Variants in SLC24A4 observed in about 807,000 individuals in gnomAD.
SLC24A4 encodes the protein sodium/potassium/calcium exchanger 4.
Under a neutral mutation model 79.0 loss-of-function variants are expected in SLC24A4, and 53 were observed. The observed-to-expected ratio is 0.67, with a 90% CI of 0.54 to 0.84. The LOEUF (loss-of-function observed/expected upper bound fraction) is 0.84, where lower values mean the gene tolerates loss of function less well. SLC24A4 is among the 40% of genes least tolerant of loss of function. The pLI, the probability that SLC24A4 is intolerant of heterozygous loss-of-function variation, is 0.00. For missense variants in SLC24A4, 731 were observed against 822.0 expected (o/e 0.89, Z 1.35); for synonymous variants, 323 against 323.8 (o/e 1.00, Z 0.03).
At chr14:92,340,464 A>T (rs1886070149) in intron 2 of SLC24A4, among the ~76,000 whole-genome samples, 1 of 152,216 alleles carries the variant, frequency 6.6e-6, no homozygotes, top group Non-Finnish European at 1.5e-5. Context: ...TGGTGATTGC[A>T]GTAATAGGGT....
At chr14:92,456,879 G>C (rs1332191279) in intron 12 of SLC24A4, among the ~76,000 whole-genome samples, 2 of 152,192 alleles carry the variant, frequency 1.3e-5, no homozygotes, top group Non-Finnish European at 2.9e-5. Context: ...GAACACCAGT[G>C]ACCCCTAGTG....
intron 2 of SLC24A4, among the ~76,000 whole-genome samples, chr14:92,432,499 T>C (rs958144054): frequency 6.6e-6 from 1 of 152,224 alleles, no homozygotes; most frequent in Non-Finnish European, 1.5e-5. Flanking sequence ...TCCCAGCAGC[T>C]GCATTTCTCC....
At chr14:92,351,630 G>A (rs1046225054) in intron 2 of SLC24A4, among the ~76,000 whole-genome samples, 1 of 152,226 alleles carries the variant, frequency 6.6e-6, no homozygotes, top group East Asian at 1.9e-4. Context: ...GCCGAGGCGG[G>A]TGGATCACTT....
chr14:92,358,653 C>T lies in SLC24A4; in HGVS notation c.241+32675C>T, dbSNP rs1364661649. Among the ~76,000 whole-genome samples, 4 of 151,862 alleles carry T rather than the reference C, an allele frequency of 2.6e-5. No individual in the cohort carries two copies. The South Asian group carries it at 6.3e-4, about 24-fold the overall frequency. ...CCTGCCATCTTCTTTTCTTCACCACCTATCTGACTCATCTACTGCTGGGAC... is the reference window on the plus strand; with the variant it reads ...CCTGCCATCTTCTTTTCTTCACCACTTATCTGACTCATCTACTGCTGGGAC... On this transcript the variant is annotated intron_variant, in intron 2 of 16. Transcript: ENST00000532405.
At position 92,353,500 on chromosome 14, in the gene SLC24A4, C is replaced by G. The variant is rs1887001138; in HGVS notation, c.241+27522C>G. ...AGAGGGTCCTCCATCAAGTCTGTAC[C>G]CATTGGCAGCCTTTGTCCCACCAGA... On this transcript the variant is annotated intron_variant, in intron 2 of 16. Transcript: ENST00000532405. The surrounding 1 kb of genome is among the most constrained non-coding windows in gnomAD (Gnocchi z 4.1). Among the ~76,000 whole-genome samples the G allele has an allele frequency of 6.6e-6, 1 of 152,128 alleles. No homozygotes were observed. Among genetic ancestry groups the G allele is most frequent in the South Asian group, 2.1e-4 (1 of 4,830 alleles).
chr14:92,483,698 G>T, intron 13 of SLC24A4: 4 of 1,269,740 alleles, frequency 3.2e-6, no homozygotes, highest in Non-Finnish European at 4.1e-6. Context: ...ACCACCTAAT[G>T]GGGTCCCTTC....
chr14:92,401,443 G>A (rs1890106986), intron 2 of SLC24A4, among the ~76,000 whole-genome samples: 1 of 152,156 alleles, frequency 6.6e-6, no homozygotes, highest in African/African-American at 2.4e-5. Flanking sequence ...TGGCCTAAAT[G>A]TGGAGATGAA....
chr14:92,383,757 A>C (rs1888985719), intron 2 of SLC24A4, among the ~76,000 whole-genome samples: 1 of 150,632 alleles, frequency 6.6e-6, no homozygotes, highest in Non-Finnish European at 1.5e-5. Flanking sequence ...AAGATGAGAG[A>C]TGCTTCCCAG....
intron 2 of SLC24A4, among the ~76,000 whole-genome samples, chr14:92,374,709 C>T (rs920319109): frequency 7.9e-5 from 12 of 152,156 alleles, no homozygotes; most frequent in Non-Finnish European, 1.8e-4. Flanking sequence ...TATTTGTGCC[C>T]TTAGTATACT....
At chr14:92,472,495 C>T (rs867666568) in intron 12 of SLC24A4, among the ~76,000 whole-genome samples, 1 of 152,134 alleles carries the variant, frequency 6.6e-6, no homozygotes, top group East Asian at 1.9e-4. Flanking sequence ...TGAGAACATA[C>T]GATGTTTGGT....
chr14:92,343,141 A>G (rs1056686988), intron 2 of SLC24A4, among the ~76,000 whole-genome samples: 1 of 152,202 alleles, frequency 6.6e-6, no homozygotes, highest in Non-Finnish European at 1.5e-5. Context: ...CTGTTTTTAT[A>G]TATGACAATG....
At chr14:92,356,115 A>G (rs1370978140) in intron 2 of SLC24A4, among the ~76,000 whole-genome samples, 3 of 152,188 alleles carry the variant, frequency 2.0e-5, no homozygotes, top group Non-Finnish European at 2.9e-5. Flanking sequence ...TTTATGATAG[A>G]ATAGACTTTG....
At chr14:92,383,249 A>C (rs10146355) in intron 2 of SLC24A4, among the ~76,000 whole-genome samples, 8 of 152,074 alleles carry the variant, frequency 5.3e-5, no homozygotes, top group African/African-American at 1.4e-4. Context: ...GATATGGGGC[A>C]CCCCCCACTC....
chr14:92,329,403 G>T (rs1163254039), intron 2 of SLC24A4, among the ~76,000 whole-genome samples: 1 of 152,190 alleles, frequency 6.6e-6, no homozygotes, highest in East Asian at 1.9e-4. Context: ...ATGGAAAACG[G>T]GCTCTGCCTG....
chr14:92,373,485 T>C (rs1888322998), intron 2 of SLC24A4, among the ~76,000 whole-genome samples: 1 of 152,216 alleles, frequency 6.6e-6, no homozygotes, highest in Admixed American at 6.5e-5. Flanking sequence ...TGTGATGGGC[T>C]ACGGCCCCTA....
At chr14:92,414,746 A>G (rs1304844436) in intron 2 of SLC24A4, among the ~76,000 whole-genome samples, 2 of 152,228 alleles carry the variant, frequency 1.3e-5, no homozygotes. Flanking sequence ...TCTCAAAAAC[A>G]GAAAAAAGGA....
chr14:92,470,649 C>T (rs1482941254), intron 12 of SLC24A4, among the ~76,000 whole-genome samples: 2 of 152,078 alleles, frequency 1.3e-5, no homozygotes, highest in African/African-American at 2.4e-5. Context: ...AATCGGAGTC[C>T]GTGATGAACA....
chr14:92,465,805 C>T (rs1052198569), intron 12 of SLC24A4, among the ~76,000 whole-genome samples: 2 of 152,112 alleles, frequency 1.3e-5, no homozygotes, highest in Non-Finnish European at 1.5e-5. Context: ...GGCGTCTCTT[C>T]CTGGGCCTTT....
At chr14:92,416,231 A>G (rs915938785) in intron 2 of SLC24A4, among the ~76,000 whole-genome samples, 6 of 151,878 alleles carry the variant, frequency 4.0e-5, no homozygotes, top group African/African-American at 1.5e-4. Flanking sequence ...TGAAGAATCC[A>G]CTATAGGTAA....
Sources: gnomAD v4.1 joint callset for allele counts (sites outside exome capture counted in the v4.1 genomes callset) on GRCh38, gnomAD v4.1.1 for gene constraint, Gnocchi (gnomAD v3.1) non-coding constraint, MANE v1.5 for transcripts, NCBI Gene and HGNC (gene_info 2026-07-23, HGNC 2026-07-21) for gene names.